Variants in BTBD9 observed in about 807,000 individuals in gnomAD.
The protein encoded by BTBD9 is BTB domain containing 9, also known as BTB/POZ domain-containing protein 9.
BTBD9 carries 49 observed loss-of-function variants against 64.3 expected under a neutral mutation model. The ratio of observed to expected loss-of-function variants is 0.76; its 90% confidence interval spans 0.61 to 0.97. The LOEUF (loss-of-function observed/expected upper bound fraction) is 0.97. Ranked by LOEUF, BTBD9 falls within the 50% of genes least tolerant of loss-of-function variation. The pLI is 0.00. For synonymous variants in BTBD9, 260 were observed against 274.7 expected (o/e 0.95, Z 0.53); for missense variants, 598 against 762.1 (o/e 0.78, Z 2.53).
intron 6 of BTBD9, among the ~76,000 whole-genome samples, chr6:38,378,580 G>C (rs1160998963): frequency 1.3e-5 from 2 of 150,030 alleles, no homozygotes; most frequent in African/African-American, 2.4e-5. Flanking sequence ...GTATGGTTAA[G>C]TTGGCAGTAA....
rs759711779 is a variant in BTBD9 at position 38,594,067 on chromosome 6, G to T, written c.446C>A (p.Ala149Asp). Residue 149 changes from alanine (A) to aspartate (D), a missense_variant, in exon 3 of 11, where the codon GCC (alanine) becomes GAC (aspartate). Coordinates refer to ENST00000481247, the MANE Select transcript of BTBD9 (RefSeq NM_001099272.2). ...TAACTTGGGAAGTGAGTAGAGACTG[G>T]CAACATCAAAAGTCATGCAGACATT... The part of the protein sequence containing the change: ...IQNVCMTFDV[A>D]SLYSLPKLTC... 6.2e-7 allele frequency: 1 copy of T among 1,614,094 alleles called. No homozygotes were observed. The highest frequency in any genetic ancestry group is 8.5e-7 in the Non-Finnish European group (1 of 1,179,990).
rs536740489 is a variant in BTBD9 at position 38,214,503 on chromosome 6, G to A, written c.1563-21906C>T. The stretch of plus-strand genomic sequence containing the variant: ...AAACCAGATGCCAAGACAGGCAGGG[G>A]GATCAGCTGGGCACTGAGAGAGGCT... On this transcript the variant is annotated intron_variant, in intron 9 of 10. Coordinates refer to ENST00000481247, the MANE Select transcript of BTBD9 (RefSeq NM_001099272.2). Among the ~76,000 whole-genome samples, 10 of 152,352 alleles carry A rather than the reference G, an allele frequency of 6.6e-5. No homozygotes were observed. In the South Asian group the frequency reaches 2.1e-3, roughly 32 times the overall value.
chr6:38,623,848 C>T (rs1164673915), intron 1 of BTBD9, among the ~76,000 whole-genome samples: 1 of 152,206 alleles, frequency 6.6e-6, no homozygotes, highest in Non-Finnish European at 1.5e-5. Context: ...CCCAAATGAG[C>T]TCAAGTCACA....
At chr6:38,213,823 T>C (rs1258737549) in intron 9 of BTBD9, among the ~76,000 whole-genome samples, 2 of 151,238 alleles carry the variant, frequency 1.3e-5, no homozygotes, top group East Asian at 3.9e-4. Context: ...CTACTAAAAA[T>C]ACAAAAAAAA....
At chr6:38,537,766 C>A (rs1179465662) in intron 6 of BTBD9, among the ~76,000 whole-genome samples, 1 of 152,208 alleles carries the variant, frequency 6.6e-6, no homozygotes, top group African/African-American at 2.4e-5. Context: ...CTTAAGACTA[C>A]ACTTTCCATT....
intron 6 of BTBD9, among the ~76,000 whole-genome samples, chr6:38,502,917 G>A (rs1399138182): frequency 6.6e-6 from 1 of 152,138 alleles, no homozygotes; most frequent in African/African-American, 2.4e-5. Flanking sequence ...CACTCTGAAA[G>A]GGAAAACAGG....
chr6:38,297,323 G>A (rs141438789), intron 7 of BTBD9, among the ~76,000 whole-genome samples: 156 of 152,132 alleles, frequency 1.0e-3, no homozygotes, highest in African/African-American at 3.3e-3. Flanking sequence ...CTGAGATTGC[G>A]CCATTGCACC....
intron 6 of BTBD9, among the ~76,000 whole-genome samples, chr6:38,352,805 T>C (rs1764573860): frequency 6.6e-6 from 1 of 152,216 alleles, no homozygotes; most frequent in Non-Finnish European, 1.5e-5. Flanking sequence ...TTAATTCTCT[T>C]CCTACCCGCT....
chr6:38,172,294 G>T lies in BTBD9; in HGVS notation c.*2691C>A, dbSNP rs1427206950. 6.6e-6 allele frequency: 1 copy of T among 152,354 alleles called. No individual in the cohort carries two copies. The highest frequency in any genetic ancestry group is 6.5e-5 in the Admixed American group (1 of 15,282). The allele number at this position is 152,354 out of a possible 1,614,324, so 9.4% of individuals were successfully genotyped here. ...AGCTTCAAGTGTTTAGGTCGCTTTG[G>T]TCCTGGTGGCCCAGGGGAGAAGTGC... On this transcript the variant is annotated 3_prime_UTR_variant, in exon 11 of 11. Transcript: ENST00000481247.
At chr6:38,626,458 C>T (rs1778172213) in intron 1 of BTBD9, among the ~76,000 whole-genome samples, 1 of 152,144 alleles carries the variant, frequency 6.6e-6, no homozygotes, top group Admixed American at 6.5e-5. Flanking sequence ...CCGTCTCCTA[C>T]TAGACTACAA....
intron 10 of BTBD9, among the ~76,000 whole-genome samples, chr6:38,178,978 A>G (rs545683913): frequency 9.8e-4 from 149 of 152,078 alleles, no homozygotes; most frequent in Admixed American, 1.9e-3. Context: ...TCAGCCTCCT[A>G]AGTAGCTGAG....
In BTBD9 at chr6:38,184,371, T is replaced by C. The variant is rs1207503197; in HGVS notation, c.1641+8148A>G. On this transcript the variant is annotated intron_variant, in intron 10 of 10. Transcript: ENST00000481247. This position sits in a 1 kb window ranked among gnomAD's most constrained non-coding sequence, Gnocchi z 4.4. ...TGCTGCCATCTGAAACCTAAGTTTG[T>C]TTCCATTATTTCTATTCCCAAGCAG... Among the ~76,000 whole-genome samples the C allele has an allele frequency of 2.0e-5, 3 of 152,188 alleles. No individual in the cohort carries two copies. The highest frequency in any genetic ancestry group is 4.4e-5 in the Non-Finnish European group (3 of 68,028).
intron 6 of BTBD9, among the ~76,000 whole-genome samples, chr6:38,374,794 C>T (rs1267833782): frequency 1.3e-5 from 2 of 152,146 alleles, no homozygotes; most frequent in African/African-American, 4.8e-5. Context: ...ATGGATACCC[C>T]CACTGCATCT....
intron 7 of BTBD9, among the ~76,000 whole-genome samples, chr6:38,332,447 T>C (rs1763714682): frequency 6.6e-6 from 1 of 152,224 alleles, no homozygotes; most frequent in Non-Finnish European, 1.5e-5. Flanking sequence ...TTATCTCACA[T>C]TATATTCTTA....
At chr6:38,566,093 T>C (rs1014629710) in intron 6 of BTBD9, 1 of 152,208 alleles carries the variant, frequency 6.6e-6, no homozygotes, top group Admixed American at 6.5e-5. Context: ...GGAAAGTAGA[T>C]TTTATTGATA....
intron 6 of BTBD9, among the ~76,000 whole-genome samples, chr6:38,394,753 C>G (rs1251085628): frequency 6.6e-6 from 1 of 152,042 alleles, no homozygotes; most frequent in African/African-American, 2.4e-5. Context: ...TAGGGACACT[C>G]AAGCAGCCCT....
At chr6:38,453,077 G>A (rs1769630106) in intron 6 of BTBD9, among the ~76,000 whole-genome samples, 1 of 152,120 alleles carries the variant, frequency 6.6e-6, no homozygotes, top group Non-Finnish European at 1.5e-5. Context: ...GCGTATAACA[G>A]ATCCTTCATA....
In BTBD9 at chr6:38,258,719, T is replaced by C. The variant is rs1355999659; in HGVS notation, c.1455-2203A>G. On this transcript the variant is annotated intron_variant, in intron 8 of 10. Transcript: ENST00000481247. ...TCCTGGCTAACACAGTGAAACGCCG[T>C]CTCTACTAAAAATACAAAAAATTAG... is the stretch of plus-strand genomic sequence containing the variant. 2.6e-5 allele frequency among the ~76,000 whole-genome samples: 4 copies of C among 151,998 alleles called. No homozygotes were observed. The East Asian group carries it at 7.7e-4, about 29-fold the overall frequency.
chr6:38,252,766 A>G (rs1045926658), intron 9 of BTBD9, among the ~76,000 whole-genome samples: 4 of 152,232 alleles, frequency 2.6e-5, no homozygotes, highest in African/African-American at 7.2e-5. Flanking sequence ...ATACAAAATG[A>G]ATATGACACC....
Sources: allele counts gnomAD v4.1 joint callset (sites outside exome capture counted in the v4.1 genomes callset), GRCh38; gene constraint gnomAD v4.1.1; non-coding constraint Gnocchi (gnomAD v3.1); transcripts MANE v1.5; gene names NCBI Gene and HGNC (gene_info 2026-07-23, HGNC 2026-07-21).